CAMTA1: variants seen among roughly 807,000 people sequenced by gnomAD.
The protein encoded by CAMTA1 is calmodulin binding transcription activator 1.
CAMTA1 carries 27 observed loss-of-function variants against 170.9 expected under a neutral mutation model. The observed-to-expected ratio is 0.16, with a 90% CI of 0.12 to 0.22. The LOEUF (loss-of-function observed/expected upper bound fraction) is 0.22, where lower values mean the gene tolerates loss of function less well. Ranked by LOEUF, CAMTA1 falls within the 10% of genes least tolerant of loss-of-function variation. The pLI is 1.00. For synonymous variants in CAMTA1, 833 were observed against 891.5 expected (o/e 0.93, Z 1.17); for missense variants, 1,619 against 2,217.2 (o/e 0.73, Z 5.42).
intron 3 of CAMTA1, among the ~76,000 whole-genome samples, chr1:6,948,568 T>C (rs1687937515): frequency 6.6e-6 from 1 of 152,190 alleles, no homozygotes; most frequent in South Asian, 2.1e-4. Flanking sequence ...CAAGTGACTT[T>C]CCTGGCCTTT....
At chr1:7,000,871 C>T (rs1306719777) in intron 3 of CAMTA1, among the ~76,000 whole-genome samples, 1 of 152,066 alleles carries the variant, frequency 6.6e-6, no homozygotes, top group East Asian at 1.9e-4. Flanking sequence ...TTATAGAATC[C>T]CAGTGTCTTT....
Position 7,663,786 on chromosome 1 carries a change from C to A in CAMTA1, c.1239C>A (p.Ser413=), listed in dbSNP as rs1381217876. ...EVTNEAVYTM[S]PTAGPNHHLL... is the part of the protein sequence containing the mutation. ...CCAATGAGGCCGTGTACACCATGTC[C>A]CCCACCGCTGGCCCCAACCACCACC... The change falls in exon 9 of 23, where the codon TCC becomes TCA. Residue 413 remains serine, a synonymous_variant. Coordinates refer to ENST00000303635, the MANE Select transcript of CAMTA1 (RefSeq NM_015215.4). 2 of 1,614,138 alleles carry A rather than the reference C, an allele frequency of 1.2e-6. No homozygotes were observed. Among genetic ancestry groups the A allele is most frequent in the East Asian group, 4.5e-5 (2 of 44,860 alleles).
chr1:6,866,722 T>TAA (rs1666695769), intron 3 of CAMTA1, among the ~76,000 whole-genome samples: 1 of 152,212 alleles, frequency 6.6e-6, no homozygotes, highest in South Asian at 2.1e-4. Flanking sequence ...AGATAGTCTC[T>TAA]TTTTAGCGAA....
At chr1:7,150,153 A>C (rs555649019) in intron 4 of CAMTA1, among the ~76,000 whole-genome samples, 1 of 152,296 alleles carries the variant, frequency 6.6e-6, no homozygotes, top group African/African-American at 2.4e-5. Flanking sequence ...GTAAGGAGTG[A>C]GGCAGGTGTG....
intron 4 of CAMTA1, among the ~76,000 whole-genome samples, chr1:7,125,253 C>G (rs746735096): frequency 6.6e-6 from 1 of 152,094 alleles, no homozygotes; most frequent in Non-Finnish European, 1.5e-5. Context: ...CTGGGGGACA[C>G]TAGAAGTTCA....
At chr1:7,245,601 G>A (rs1665636920) in intron 4 of CAMTA1, among the ~76,000 whole-genome samples, 2 of 151,974 alleles carry the variant, frequency 1.3e-5, no homozygotes, top group African/African-American at 4.8e-5. Flanking sequence ...TATTGGTTTT[G>A]CTCGCTATTA....
At chr1:7,126,462 C>T (rs917661650) in intron 4 of CAMTA1, among the ~76,000 whole-genome samples, 1 of 152,184 alleles carries the variant, frequency 6.6e-6, no homozygotes, top group African/African-American at 2.4e-5. Context: ...ATCTGCCAGG[C>T]TCTTTCCTGG....
At chr1:6,973,566 G>A (rs1692908640) in intron 3 of CAMTA1, among the ~76,000 whole-genome samples, 1 of 152,216 alleles carries the variant, frequency 6.6e-6, no homozygotes, top group Non-Finnish European at 1.5e-5. Flanking sequence ...GGGCTTTTGT[G>A]AATAGTGCTG....
At chr1:7,266,424 CAT>C (rs1412095203) in intron 5 of CAMTA1, among the ~76,000 whole-genome samples, 8 of 152,246 alleles carry the variant, frequency 5.3e-5, no homozygotes, top group Non-Finnish European at 1.0e-4. Flanking sequence ...GGATGTCTGC[CAT>C]TTATCAGTTG....
chr1:7,116,543 TC>T (rs1295305890), intron 4 of CAMTA1, among the ~76,000 whole-genome samples: 1 of 151,908 alleles, frequency 6.6e-6, no homozygotes, highest in South Asian at 2.1e-4. Context: ...TTATGAACCA[TC>T]CCCCCCAATA....
chr1:7,339,656 G>A (rs1361042854), intron 5 of CAMTA1, among the ~76,000 whole-genome samples: 1 of 152,164 alleles, frequency 6.6e-6, no homozygotes, highest in Non-Finnish European at 1.5e-5. Flanking sequence ...AGGCTGGAGT[G>A]CAGTGGCGCA....
At chr1:6,826,254 C>G (rs1280350159) in intron 3 of CAMTA1, among the ~76,000 whole-genome samples, 2 of 152,192 alleles carry the variant, frequency 1.3e-5, no homozygotes, top group Non-Finnish European at 2.9e-5. Flanking sequence ...TGGAACCTTA[C>G]AGCTTTGTTA....
intron 10 of CAMTA1, among the ~76,000 whole-genome samples, chr1:7,677,278 G>T (rs1217663574): frequency 2.0e-5 from 3 of 152,170 alleles, no homozygotes; most frequent in African/African-American, 7.2e-5. Context: ...GGCAGGGATG[G>T]GGGCCATTCA....
At chr1:7,345,568 T>C (rs2149839752) in intron 5 of CAMTA1, among the ~76,000 whole-genome samples, 1 of 152,302 alleles carries the variant, frequency 6.6e-6, no homozygotes, top group African/African-American at 2.4e-5. Flanking sequence ...AGGAAGCTTG[T>C]TTGTAAACCC....
At chr1:7,676,608 G>A (rs2149268498) in intron 10 of CAMTA1, among the ~76,000 whole-genome samples, 1 of 152,320 alleles carries the variant, frequency 6.6e-6, no homozygotes, top group South Asian at 2.1e-4. Flanking sequence ...ACAGTAATGT[G>A]ATCCCCACGC....
intron 1 of CAMTA1, among the ~76,000 whole-genome samples, chr1:6,789,223 C>T (rs985162219): frequency 1.3e-5 from 2 of 151,110 alleles, no homozygotes; most frequent in African/African-American, 4.9e-5. Flanking sequence ...CTCTTACTTG[C>T]TCTTTGAGAC....
At chr1:7,263,518 G>A (rs1337632749) in intron 5 of CAMTA1, among the ~76,000 whole-genome samples, 2 of 152,230 alleles carry the variant, frequency 1.3e-5, no homozygotes, top group Non-Finnish European at 2.9e-5. Context: ...AGGGAGATGA[G>A]ATGAAATAAA....
chr1:7,533,994 G>T (rs1027363078), intron 6 of CAMTA1, among the ~76,000 whole-genome samples: 16 of 152,066 alleles, frequency 1.1e-4, no homozygotes, highest in Non-Finnish European at 2.1e-4. Context: ...TCTGGATGCC[G>T]CATGGTCAAG....
intron 3 of CAMTA1, among the ~76,000 whole-genome samples, chr1:6,983,495 A>G (rs1420084724): frequency 1.3e-5 from 2 of 152,206 alleles, no homozygotes; most frequent in East Asian, 1.9e-4. Flanking sequence ...TTGTCATACT[A>G]TATGCTTTTC....
Sources: gnomAD v4.1 joint callset for allele counts (sites outside exome capture counted in the v4.1 genomes callset) on GRCh38, gnomAD v4.1.1 for gene constraint, MANE v1.5 for transcripts, NCBI Gene and HGNC (gene_info 2026-07-23, HGNC 2026-07-21) for gene names.